The following PAOX variants were observed in gnomAD, a reference collection of about 807,000 sequenced individuals.
The protein encoded by PAOX is polyamine oxidase, also known as peroxisomal N(1)-acetyl-spermine/spermidine oxidase.
In PAOX, 38 loss-of-function variants were observed where a neutral mutation model predicts 39.0. That is an observed-to-expected ratio of 0.97 (90% CI 0.75 to 1.28). The LOEUF (loss-of-function observed/expected upper bound fraction) is 1.28, where lower values mean the gene tolerates loss of function less well. Ranked by LOEUF, PAOX falls within the 50% of genes most tolerant of loss-of-function variation. The pLI, the probability that PAOX is intolerant of heterozygous loss-of-function variation, is 0.00. For synonymous variants in PAOX, 311 were observed against 314.4 expected, an observed-to-expected ratio of 0.99 and a Z score of 0.11; for missense variants, 667 against 685.7, an observed-to-expected ratio of 0.97 and a Z score of 0.30.
At chr10:133,387,816 G>A (rs1039855487) in intron 4 of PAOX, among the ~76,000 whole-genome samples, 1 of 152,322 alleles carries the variant, frequency 6.6e-6, no homozygotes, top group South Asian at 2.1e-4. Flanking sequence ...CACCTCCCGG[G>A]TTCATGCCAT....
intron 4 of PAOX, among the ~76,000 whole-genome samples, chr10:133,385,993 C>T (rs183256961): frequency 7.7e-4 from 116 of 150,412 alleles, no homozygotes; most frequent in African/African-American, 2.7e-3. Flanking sequence ...TGAAGGGTGG[C>T]AGCAGTTTTG....
intron 4 of PAOX, among the ~76,000 whole-genome samples, chr10:133,386,463 GGAA>G (rs925264297): frequency 6.6e-6 from 1 of 152,144 alleles, no homozygotes; most frequent in African/African-American, 2.4e-5. Flanking sequence ...ATATGTGGTT[GGAA>G]GAAGGAGTGA....
intron 6 of PAOX, 24 bp downstream of exon 6, chr10:133,389,771 G>T: frequency 6.9e-7 from 1 of 1,450,686 alleles, no homozygotes; most frequent in Non-Finnish European, 9.1e-7. Flanking sequence ...CCCAGTCGGG[G>T]GGCGTGGGTC....
rs1849478170 is a variant in PAOX, at chr10:133,384,277, G to A, written c.1121+65G>A. 3.8e-6 allele frequency: 6 copies of A among 1,578,202 alleles called. No individual in the cohort carries two copies. Among genetic ancestry groups the A allele is most frequent in the South Asian group, 1.2e-5 (1 of 85,938 alleles). On this transcript the variant is annotated intron_variant, in intron 4 of 6. Transcript: ENST00000278060. This position sits in a 1 kb window ranked among gnomAD's most constrained non-coding sequence, Gnocchi z 4.3. ...CATAGGCCTTCATCTGATGGAGGAC[G>A]CAGCAGTGTGTCTGTTCACTGCAGG...
rs557905339 is a variant in PAOX, at chr10:133,381,807, G to A, written c.868+148G>A. 46 of 813,580 alleles carry A rather than the reference G, an allele frequency of 5.7e-5. No homozygotes were observed. The African/African-American group carries it at 7.6e-4, about 13-fold the overall frequency. 50.4% of individuals were successfully genotyped at this position (813,580 alleles called of 1,614,324 possible). On this transcript the variant is annotated intron_variant, in intron 3 of 6. Transcript: ENST00000278060. ...CCAGATAGGTGGAAGGAATGATTCTGTTATGTTTTGTAGCAATTACATGCT... is the reference window on the plus strand; with the variant it reads ...CCAGATAGGTGGAAGGAATGATTCTATTATGTTTTGTAGCAATTACATGCT...
intron 3 of PAOX, 104 bp downstream of exon 3, chr10:133,381,763 AT>A: frequency 8.3e-7 from 1 of 1,208,222 alleles, no homozygotes; most frequent in South Asian, 1.4e-5. Flanking sequence ...CGAAGCTCAC[AT>A]TTTCGTTCTA....
At chr10:133,381,792 G>A in intron 3 of PAOX, 133 bp downstream of exon 3, 2 of 852,174 alleles carry the variant, frequency 2.3e-6, no homozygotes, top group Non-Finnish European at 3.6e-6. Context: ...CCAGATAGGT[G>A]GAAGGAATGA....
Position 133,384,911 on chromosome 10 carries a change from C to T in PAOX, c.1121+699C>T, listed in dbSNP as rs1229483824. On this transcript the variant is annotated intron_variant, in intron 4 of 6. Transcript: ENST00000278060. The surrounding 1 kb of genome is among the most constrained non-coding windows in gnomAD (Gnocchi z 4.3). ...ATGCCTGCCAGATGGTTCATAGTTG[C>T]CATCCACTGGGAGCAGGAGGCTGCA... Among the ~76,000 whole-genome samples, 1 of 152,182 alleles carries T rather than the reference C, an allele frequency of 6.6e-6. No homozygotes were observed. Among genetic ancestry groups the T allele is most frequent in the African/African-American group, 2.4e-5 (1 of 41,434 alleles).
Position 133,384,052 on chromosome 10 carries a change from A to C in PAOX, c.961A>C (p.Asn321His), listed in dbSNP as rs761629558. 6.2e-7 allele frequency: 1 copy of C among 1,614,186 alleles called. No individual in the cohort carries two copies. Among genetic ancestry groups the C allele is most frequent in the Non-Finnish European group, 8.5e-7 (1 of 1,180,016 alleles). The change falls in exon 4 of 7, where the codon AAC (asparagine) becomes CAC (histidine). Residue 321 changes from asparagine to histidine, a missense_variant. Coordinates refer to ENST00000278060, the MANE Select transcript of PAOX (RefSeq NM_152911.4). This position sits in a 1 kb window ranked among gnomAD's most constrained non-coding sequence, Gnocchi z 4.3. ...AIRKIGFGTN[N>H]KIFLEFEEPF... ...CAGGAAGATAGGCTTTGGGACCAACAACAAAATCTTCCTGGAGTTTGAGGA... is the reference window on the plus strand; with the variant it reads ...CAGGAAGATAGGCTTTGGGACCAACCACAAAATCTTCCTGGAGTTTGAGGA...
At position 133,389,129 on chromosome 10, in the gene PAOX, A is replaced by G. The variant is rs1225998310; in HGVS notation, c.1234+61A>G. 3.7e-6 allele frequency: 5 copies of G among 1,347,272 alleles called. No homozygotes were observed. The East Asian group carries it at 9.2e-5, about 25-fold the overall frequency. 83.5% of individuals were successfully genotyped at this position (1,347,272 alleles called of 1,614,324 possible). On this transcript the variant is annotated intron_variant, in intron 5 of 6. Coordinates refer to ENST00000278060, the MANE Select transcript of PAOX (RefSeq NM_152911.4). ...GCTCGTTACTGGTTGATCTCTAAAC[A>G]GAAACTAGACTTTGCAGAACAGAGA...
Position 133,391,498 on chromosome 10 carries a change from T to C in PAOX, c.*43T>C, listed in dbSNP as rs754645963. 1.9e-6 allele frequency: 3 copies of C among 1,559,740 alleles called. No individual in the cohort carries two copies. The African/African-American group carries it at 4.1e-5, about 21-fold the overall frequency. On this transcript the variant is annotated 3_prime_UTR_variant, in exon 7 of 7. Coordinates refer to ENST00000278060, the MANE Select transcript of PAOX (RefSeq NM_152911.4). ...TGTTCCACCCGTGTCGGGGGTAGGC[T>C]GGGACCCTCATTTCTTCTGACAGAT...
rs774347955 is a variant in PAOX at position 133,391,304 on chromosome 10, C to G, written c.1393-8C>G. ...CATCCCCATTCTAACCCTGGCTCTTCTTTGCAGCTCCAGATCCTGTTTGCG... is the reference window on the plus strand; with the variant it reads ...CATCCCCATTCTAACCCTGGCTCTTGTTTGCAGCTCCAGATCCTGTTTGCG... On this transcript the variant is annotated splice_polypyrimidine_tract_variant and splice_region_variant and intron_variant, in intron 6 of 6. Coordinates refer to ENST00000278060, the MANE Select transcript of PAOX (RefSeq NM_152911.4). The G allele has an allele frequency of 8.7e-6, 14 of 1,613,108 alleles. No individual in the cohort carries two copies. In the East Asian group the frequency reaches 2.9e-4, roughly 33 times the overall value.
intron 4 of PAOX, among the ~76,000 whole-genome samples, chr10:133,386,053 T>C (rs1243198714): frequency 1.3e-5 from 2 of 150,446 alleles, no homozygotes; most frequent in South Asian, 2.1e-4. Flanking sequence ...GGTCTCTCTG[T>C]CACCCAGGCT....
chr10:133,382,062 C>T (rs1849401769), intron 3 of PAOX, among the ~76,000 whole-genome samples: 1 of 152,058 alleles, frequency 6.6e-6, no homozygotes, highest in Admixed American at 6.6e-5. Flanking sequence ...TTAGATCTGT[C>T]CTTGAGTAGA....
At chr10:133,379,926 G>A in intron 1 of PAOX, 73 bp from the exon 2 acceptor site, 11 of 1,490,994 alleles carry the variant, frequency 7.4e-6, no homozygotes, top group Non-Finnish European at 8.9e-6. Context: ...GCGTGGGCGT[G>A]GCCCAGGAGA....
chr10:133,388,668 C>T (rs1235002274), intron 4 of PAOX, among the ~76,000 whole-genome samples: 1 of 152,224 alleles, frequency 6.6e-6, no homozygotes, highest in African/African-American at 2.4e-5. Flanking sequence ...GGGTCCCTGG[C>T]AGGGCCTTCG....
intron 2 of PAOX, among the ~76,000 whole-genome samples, chr10:133,381,077 A>T (rs1264223365): frequency 6.6e-6 from 1 of 152,244 alleles, no homozygotes; most frequent in Non-Finnish European, 1.5e-5. Flanking sequence ...TCCCTGTGGC[A>T]GGGTGGCTGC....
At chr10:133,386,289 T>G (rs1327314416) in intron 4 of PAOX, among the ~76,000 whole-genome samples, 1 of 152,034 alleles carries the variant, frequency 6.6e-6, no homozygotes, top group Non-Finnish European at 1.5e-5. Flanking sequence ...CCTCCCAAAG[T>G]GCTGGGATTA....
rs968943693 is a variant in PAOX, at chr10:133,379,490, C to T, written c.174C>T (p.Arg58=). ...ARAGGRIRSE[R]CFGGVVEVGA... is the part of the protein sequence containing the mutation. ...CCGGGGGCCGCATCCGCTCGGAGCG[C>T]TGCTTCGGTAACCGCCCCTCCCGGA... The change falls in exon 1 of 7, where the codon CGC becomes CGT. Residue 58 remains arginine, a synonymous_variant. Transcript: ENST00000278060. 3.3e-6 allele frequency: 4 copies of T among 1,225,832 alleles called. No homozygotes were observed. Among genetic ancestry groups the T allele is most frequent in the Non-Finnish European group, 4.1e-6 (4 of 984,220 alleles). The allele number at this position is 1,225,832 out of a possible 1,614,324, so 75.9% of individuals were successfully genotyped here.
Sources: allele counts gnomAD v4.1 joint callset (sites outside exome capture counted in the v4.1 genomes callset), GRCh38; gene constraint gnomAD v4.1.1; non-coding constraint Gnocchi (gnomAD v3.1); transcripts MANE v1.5; gene names NCBI Gene and HGNC (gene_info 2026-07-23, HGNC 2026-07-21).